Variants in RTL4 observed in about 807,000 individuals in gnomAD.
RTL4 encodes retrotransposon Gag like 4.
A neutral mutation model predicts 5.3 loss-of-function variants in RTL4; 4 were observed. The ratio of observed to expected loss-of-function variants is 0.75; its 90% CI spans 0.37 to 1.72. The LOEUF is 1.72. RTL4 is among the 40% of genes most tolerant of loss of function. The pLI, the probability that RTL4 is intolerant of heterozygous loss-of-function variation, is 0.04. For missense variants in RTL4, 260 were observed against 227.1 expected, an observed-to-expected ratio of 1.14 and a Z score of -0.93; for synonymous variants, 98 against 87.3, an observed-to-expected ratio of 1.12 and a Z score of -0.68.
At chrX:112,328,850 A>G in the RTL4 span, among the ~76,000 whole-genome samples, 2 of 112,193 alleles carry the variant, frequency 1.8e-5, no homozygotes, top group East Asian at 5.6e-4. Context: ...CAGGATTAAG[A>G]AACTCACTCA....
At chrX:112,276,963 T>C in the RTL4 span, among the ~76,000 whole-genome samples, 1 of 112,480 alleles carries the variant, frequency 8.9e-6, no homozygotes, top group African/African-American at 3.2e-5. Context: ...AACAGACATT[T>C]AGTTTTGTCA....
the RTL4 span, among the ~76,000 whole-genome samples, chrX:112,127,668 A>G: frequency 8.9e-6 from 1 of 111,856 alleles, no homozygotes; most frequent in African/African-American, 3.2e-5. Context: ...ATATATAGAA[A>G]ATCTCAAAGG....
the RTL4 span, among the ~76,000 whole-genome samples, chrX:112,368,211 A>C: frequency 9.0e-6 from 1 of 111,669 alleles, no homozygotes; most frequent in African/African-American, 3.3e-5. Context: ...AGGTGAAAGA[A>C]AATGATAGCC....
chrX:112,361,254 C>CAT, the RTL4 span, among the ~76,000 whole-genome samples: 2 of 111,211 alleles, frequency 1.8e-5, no homozygotes, highest in African/African-American at 6.5e-5. Context: ...CTACCACAAA[C>CAT]ATACACATAT....
At chrX:112,454,898 C>T (rs779028324) in exon 1 of RTL4, 8 of 1,208,635 alleles carry the variant, frequency 6.6e-6, no homozygotes, top group Admixed American at 6.6e-5. Context: ...GTACCATACT[C>T]ACTTGAGCAT....
the RTL4 span, among the ~76,000 whole-genome samples, chrX:112,155,957 G>T: frequency 9.0e-6 from 1 of 111,607 alleles, no homozygotes; most frequent in Admixed American, 9.5e-5. Context: ...GCTAATTCTG[G>T]ATGGCTCTGG....
chrX:112,342,001 A>G, the RTL4 span, among the ~76,000 whole-genome samples: 1 of 111,368 alleles, frequency 9.0e-6, no homozygotes, highest in African/African-American at 3.3e-5. Context: ...GGGTATTTGC[A>G]TTTTAAGAGG....
the RTL4 span, among the ~76,000 whole-genome samples, chrX:112,380,505 G>A: frequency 8.9e-6 from 1 of 111,933 alleles, no homozygotes; most frequent in African/African-American, 3.2e-5. Flanking sequence ...ATTATAAGGA[G>A]GAACTACAGT....
upstream of RTL4, among the ~76,000 whole-genome samples, chrX:112,453,474 G>A (rs1263159929): frequency 2.7e-5 from 3 of 111,937 alleles, no homozygotes; most frequent in African/African-American, 6.5e-5. Context: ...TTCAGTTCTT[G>A]TTTGCTAGAT....
At chrX:112,203,833 AT>A in the RTL4 span, among the ~76,000 whole-genome samples, 1 of 112,575 alleles carries the variant, frequency 8.9e-6, no homozygotes, top group Non-Finnish European at 1.9e-5. Flanking sequence ...TAAACACAAA[AT>A]AAAACAATTC....
At chrX:112,090,053 C>G in the RTL4 span, among the ~76,000 whole-genome samples, 1 of 110,789 alleles carries the variant, frequency 9.0e-6, no homozygotes, top group Non-Finnish European at 1.9e-5. Context: ...TTTTCCATTA[C>G]TAGTTTACAG....
At chrX:112,230,547 A>T in the RTL4 span, among the ~76,000 whole-genome samples, 1 of 112,179 alleles carries the variant, frequency 8.9e-6, no homozygotes, top group Non-Finnish European at 1.9e-5. Context: ...GGCACTCCCC[A>T]GTGAGATGAA....
chrX:112,327,519 T>C, the RTL4 span, among the ~76,000 whole-genome samples: 4 of 109,029 alleles, frequency 3.7e-5, no homozygotes, highest in African/African-American at 1.3e-4. Context: ...AAAGACCAAA[T>C]CTATGTCTGA....
the RTL4 span, among the ~76,000 whole-genome samples, chrX:112,387,275 C>T: frequency 3.6e-5 from 4 of 110,818 alleles, no homozygotes; most frequent in African/African-American, 1.3e-4. Flanking sequence ...AAATTTTCTC[C>T]CACTTTGTGG....
At chrX:112,172,151 C>A in the RTL4 span, among the ~76,000 whole-genome samples, 2 of 111,704 alleles carry the variant, frequency 1.8e-5, no homozygotes, top group South Asian at 7.4e-4. Flanking sequence ...ATGGTGAAAA[C>A]CCATCTCTAC....
At chrX:112,290,372 T>C in the RTL4 span, among the ~76,000 whole-genome samples, 4 of 111,870 alleles carry the variant, frequency 3.6e-5, no homozygotes, top group African/African-American at 1.3e-4. Context: ...TGAAGATTTA[T>C]GTTTTTAAAT....
At chrX:112,117,870 A>C in the RTL4 span, among the ~76,000 whole-genome samples, 417 of 111,934 alleles carry the variant, frequency 3.7e-3, 1 homozygote, top group African/African-American at 0.013. Flanking sequence ...GCAATGTGTA[A>C]TGTACAGGTA....
chrX:112,172,354 G>A, the RTL4 span, among the ~76,000 whole-genome samples: 1 of 111,207 alleles, frequency 9.0e-6, no homozygotes, highest in Non-Finnish European at 1.9e-5. Context: ...ATGAACAGAT[G>A]CTTCTGAGTA....
chrX:112,100,482 A>G, the RTL4 span, among the ~76,000 whole-genome samples: 1 of 112,238 alleles, frequency 8.9e-6, no homozygotes, highest in Non-Finnish European at 1.9e-5. Context: ...AGTTTATAAA[A>G]CAAAGACTGT....
Sources: allele counts gnomAD v4.1 joint callset (sites outside exome capture counted in the v4.1 genomes callset), GRCh38; gene constraint gnomAD v4.1.1; transcripts MANE v1.5; gene names NCBI Gene and HGNC (gene_info 2026-07-23, HGNC 2026-07-21).